PLEKHA7: variants seen among roughly 807,000 people sequenced by gnomAD.
The protein encoded by PLEKHA7 is pleckstrin homology domain containing A7.
PLEKHA7 carries 104 observed loss-of-function variants against 170.0 expected under a neutral mutation model. The observed-to-expected ratio is 0.61, with a 90% CI of 0.52 to 0.72. The LOEUF (loss-of-function observed/expected upper bound fraction) is 0.72, where lower values mean the gene tolerates loss of function less well. Among genes scored for constraint, PLEKHA7 ranks in the 30% least tolerant of loss-of-function variants. The pLI is 0.00. For synonymous variants in PLEKHA7, 648 were observed against 660.8 expected (o/e 0.98, Z 0.30); for missense variants, 1,615 against 1,671.7 (o/e 0.97, Z 0.59).
chr11:16,855,912 GGCCT>G lies in PLEKHA7; in HGVS notation c.306-2_307del. On this transcript the variant is annotated splice_acceptor_variant and coding_sequence_variant, in exon 5 of 27. Transcript: ENST00000531066. LOFTEE classifies it high-confidence loss of function. ...GTCTTGCTTCGACATATGTGGATTC[GGCCT>G]GTGAGGAGACAGGGGATTCCAGTGA... The G allele has an allele frequency of 6.2e-7, 1 of 1,611,802 alleles. No individual in the cohort carries two copies. The highest frequency in any genetic ancestry group is 8.5e-7 in the Non-Finnish European group (1 of 1,177,990).
rs377320164 is a variant in PLEKHA7, at chr11:16,790,904, C to A, written c.2946G>T (p.Arg982=). 2 of 1,613,300 alleles carry A rather than the reference C, an allele frequency of 1.2e-6. No individual in the cohort carries two copies. The highest frequency in any genetic ancestry group is 1.7e-6 in the Non-Finnish European group (2 of 1,179,786). Residue 982 remains arginine (R), a synonymous_variant, in exon 21 of 27, where the codon CGG becomes CGT. Transcript: ENST00000531066. Reference sequence around the variant, plus strand: ...CCAGCTCAGGCTCACTGACATACGACCGCAGCTCCACCTGTGGGCAGAGTC... The same window carrying A: ...CCAGCTCAGGCTCACTGACATACGAACGCAGCTCCACCTGTGGGCAGAGTC... ...CVNGDSRVEL[R]SYVSEPELAT... is the part of the protein sequence containing the mutation.
intron 3 of PLEKHA7, among the ~76,000 whole-genome samples, chr11:16,987,017 G>T (rs138838037): frequency 7.2e-5 from 11 of 152,274 alleles, no homozygotes; most frequent in Admixed American, 6.5e-4. Context: ...CAGGGAAGGC[G>T]GAGAGGAAGC....
chr11:16,931,013 T>TG (rs1372664841), intron 3 of PLEKHA7, among the ~76,000 whole-genome samples: 4 of 151,942 alleles, frequency 2.6e-5, no homozygotes, highest in African/African-American at 9.7e-5. Context: ...GCCATTAAGG[T>TG]GGGAAAAAAG....
At chr11:16,926,309 C>T (rs1318927635) in intron 3 of PLEKHA7, among the ~76,000 whole-genome samples, 6 of 152,210 alleles carry the variant, frequency 3.9e-5, no homozygotes, top group African/African-American at 7.2e-5. Flanking sequence ...TCTCTTTTCT[C>T]AATGCCCTTG....
chr11:16,792,777 GTTTTA>G (rs770474693), intron 19 of PLEKHA7, among the ~76,000 whole-genome samples: 69 of 152,198 alleles, frequency 4.5e-4, no homozygotes, highest in East Asian at 3.7e-3. Context: ...ATATAAATGG[GTTTTA>G]TTTTGTTTTG....
intron 6 of PLEKHA7, among the ~76,000 whole-genome samples, 168 bp from the exon 7 acceptor site, chr11:16,852,523 G>A (rs768076330): frequency 1.3e-5 from 2 of 151,984 alleles, no homozygotes; most frequent in African/African-American, 2.4e-5. Flanking sequence ...ATTAGAACTT[G>A]GATTAAATGA....
chr11:16,997,980 C>A (rs536786130), intron 3 of PLEKHA7, among the ~76,000 whole-genome samples: 82 of 152,296 alleles, frequency 5.4e-4, no homozygotes, highest in African/African-American at 1.9e-3. Flanking sequence ...AGATAGGGAA[C>A]GCTGGGTGAC....
At chr11:16,959,657 C>T (rs962649172) in intron 3 of PLEKHA7, among the ~76,000 whole-genome samples, 2 of 152,126 alleles carry the variant, frequency 1.3e-5, no homozygotes, top group Non-Finnish European at 1.5e-5. Flanking sequence ...GAATTGGCTC[C>T]GTGAAACCAC....
chr11:16,811,950 A>G (rs997122567), intron 13 of PLEKHA7, among the ~76,000 whole-genome samples: 1 of 152,190 alleles, frequency 6.6e-6, no homozygotes, highest in Non-Finnish European at 1.5e-5. Context: ...ACCTCCTCCC[A>G]GAAGCCTCTC....
At chr11:16,990,882 C>T (rs1469260075) in intron 3 of PLEKHA7, among the ~76,000 whole-genome samples, 3 of 152,246 alleles carry the variant, frequency 2.0e-5, no homozygotes, top group Non-Finnish European at 4.4e-5. Context: ...ATGACATCTC[C>T]TCTGGCTACT....
Position 16,789,525 on chromosome 11 carries a change from G to A in PLEKHA7, c.3157-229C>T, listed in dbSNP as rs982062701. ...CTGCAGATGCAGACACTTAGGCTCA[G>A]GCCTGTCCAGTGAGGCCAGAACCCA... On this transcript the variant is annotated intron_variant, in intron 22 of 26. Transcript: ENST00000531066. The surrounding 1 kb of genome is among the most constrained non-coding windows in gnomAD (Gnocchi z 4.6). 4.9e-6 allele frequency: 3 copies of A among 618,214 alleles called. No individual in the cohort carries two copies. The highest frequency in any genetic ancestry group is 8.5e-6 in the Non-Finnish European group (3 of 353,014). 38.3% of individuals were successfully genotyped at this position (618,214 alleles called of 1,614,324 possible).
Position 16,808,915 on chromosome 11 carries a change from C to T in PLEKHA7, c.2007+4198G>A, listed in dbSNP as rs146522859. Among the ~76,000 whole-genome samples the T allele has an allele frequency of 4.5e-3, 680 of 152,284 alleles. 2 individuals carry two copies. Among genetic ancestry groups the T allele is most frequent in the Admixed American group, 9.5e-3 (146 of 15,292 alleles). On this transcript the variant is annotated intron_variant, in intron 13 of 26. Transcript: ENST00000531066. ...AAGGCAGGTGTGAAGTCAGTTGCTG[C>T]GTACATGTCCCAGCAGTGTAACTTT...
In PLEKHA7 at chr11:16,796,634, G is replaced by A. The variant is rs191995562; in HGVS notation, c.2410-1616C>T. 1.5e-4 allele frequency among the ~76,000 whole-genome samples: 23 copies of A among 152,252 alleles called. No homozygotes were observed. The East Asian group carries it at 1.9e-3, about 13-fold the overall frequency. On this transcript the variant is annotated intron_variant, in intron 17 of 26. Coordinates refer to ENST00000531066, the MANE Select transcript of PLEKHA7 (RefSeq NM_001329630.2). ...TGAGTATACTAAAAACCACTGAAAC[G>A]TATACTTTAGAAGGGTGAATTTACT...
chr11:16,921,527 C>G (rs1157536771), intron 3 of PLEKHA7, among the ~76,000 whole-genome samples: 1 of 152,192 alleles, frequency 6.6e-6, no homozygotes, highest in Non-Finnish European at 1.5e-5. Flanking sequence ...AGGCAGCATG[C>G]AAACATATTT....
intron 3 of PLEKHA7, among the ~76,000 whole-genome samples, chr11:17,007,148 T>C (rs1271886633): frequency 6.6e-6 from 1 of 152,204 alleles, no homozygotes; most frequent in Non-Finnish European, 1.5e-5. Context: ...ATACAGGTGC[T>C]TGTGCTCTAT....
intron 15 of PLEKHA7, among the ~76,000 whole-genome samples, 198 bp downstream of exon 15, chr11:16,802,774 C>G (rs1242590150): frequency 6.6e-6 from 1 of 152,164 alleles, no homozygotes; most frequent in East Asian, 1.9e-4. Context: ...TCTCGAACTC[C>G]TGACCTCATG....
intron 3 of PLEKHA7, among the ~76,000 whole-genome samples, chr11:16,889,420 A>AAAAAAATATAT (rs61086849): frequency 1.1e-4 from 8 of 74,668 alleles, no homozygotes; most frequent in Admixed American, 1.9e-4. Context: ...AAAAAAAAAA[A>AAAAAAATATAT]ATATATATAT....
intron 5 of PLEKHA7, 24 bp from the exon 6 acceptor site, chr11:16,855,017 T>C: frequency 6.2e-7 from 1 of 1,600,980 alleles, no homozygotes; most frequent in African/African-American, 1.3e-5. Flanking sequence ...GACTGAACTT[T>C]AGCAACAGGG....
At chr11:16,829,977 CT>C (rs536727780) in intron 9 of PLEKHA7, among the ~76,000 whole-genome samples, 41 of 146,836 alleles carry the variant, frequency 2.8e-4, no homozygotes, top group Non-Finnish European at 3.0e-4. Flanking sequence ...GTTGGCCATT[CT>C]TTTTTTTTTT....
Sources: allele counts gnomAD v4.1 joint callset (sites outside exome capture counted in the v4.1 genomes callset), GRCh38; gene constraint gnomAD v4.1.1; non-coding constraint Gnocchi (gnomAD v3.1); transcripts MANE v1.5; gene names NCBI Gene and HGNC (gene_info 2026-07-23, HGNC 2026-07-21).